The following ADAMTS17 variants were observed in gnomAD, a reference collection of about 807,000 sequenced individuals.
ADAMTS17 encodes the protein ADAM metallopeptidase with thrombospondin type 1 motif 17.
ADAMTS17 carries 113 observed loss-of-function variants against 141.5 expected under a neutral mutation model. The ratio of observed to expected loss-of-function variants is 0.80; its 90% confidence interval spans 0.69 to 0.93. The LOEUF is 0.93. Ranked by LOEUF, ADAMTS17 falls within the 40% of genes least tolerant of loss-of-function variation. The probability of loss-of-function intolerance (pLI) is 0.00; values close to 1 mark genes in which losing one functional copy is unlikely to be tolerated. For synonymous variants in ADAMTS17, 768 were observed against 630.6 expected (o/e 1.22, Z -3.27); for missense variants, 1,659 against 1,517.9 (o/e 1.09, Z -1.54).
chr15:100,264,115 T>C (rs1223804057), intron 4 of ADAMTS17, among the ~76,000 whole-genome samples: 1 of 152,260 alleles, frequency 6.6e-6, no homozygotes, highest in Non-Finnish European at 1.5e-5. Context: ...ATAGAACACA[T>C]TCAGTTGTTC....
chr15:100,269,042 C>A (rs950502180), intron 4 of ADAMTS17, among the ~76,000 whole-genome samples: 2 of 152,198 alleles, frequency 1.3e-5, no homozygotes, highest in African/African-American at 4.8e-5. Flanking sequence ...AAAAGACTCC[C>A]CACTCAATAA....
intron 15 of ADAMTS17, among the ~76,000 whole-genome samples, chr15:100,062,316 G>C (rs2033183937): frequency 6.6e-6 from 1 of 152,182 alleles, no homozygotes; most frequent in African/African-American, 2.4e-5. Flanking sequence ...ACCAAGCTAG[G>C]AGGAGGTGGC....
chr15:100,230,340 C>G (rs549810098), intron 7 of ADAMTS17, among the ~76,000 whole-genome samples: 1 of 152,310 alleles, frequency 6.6e-6, no homozygotes, highest in African/African-American at 2.4e-5. Flanking sequence ...GGGCTGAGGG[C>G]AGGCTAGATA....
chr15:100,291,323 C>T (rs758190875), intron 3 of ADAMTS17, among the ~76,000 whole-genome samples: 18 of 152,120 alleles, frequency 1.2e-4, no homozygotes, highest in Non-Finnish European at 2.1e-4. Context: ...GTTAGAATGG[C>T]TATTGTTAAA....
chr15:100,152,585 C>T lies in ADAMTS17; in HGVS notation c.1473+27G>A, dbSNP rs189712268. ...GGAGGGCTGGATCCATGCTCTGTCC[C>T]GAGCCAGCCCTCCCACGGCTGCTTA... On this transcript the variant is annotated intron_variant, in intron 10 of 21. Coordinates refer to ENST00000268070, the MANE Select transcript of ADAMTS17 (RefSeq NM_139057.4). 7.1e-4 allele frequency: 1,145 copies of T among 1,611,862 alleles called. 8 individuals carry two copies. The East Asian group carries it at 0.01, about 15-fold the overall frequency.
chr15:100,103,998 TCA>T (rs1185567691), intron 14 of ADAMTS17, among the ~76,000 whole-genome samples: 1 of 152,210 alleles, frequency 6.6e-6, no homozygotes, highest in African/African-American at 2.4e-5. Context: ...GGCTTGGTAT[TCA>T]TCAAGCCCAG....
chr15:99,977,276 A>G (rs553127707), intron 20 of ADAMTS17, among the ~76,000 whole-genome samples: 2 of 145,458 alleles, frequency 1.4e-5, no homozygotes, highest in East Asian at 4.1e-4. Flanking sequence ...AACATAGTTG[A>G]GCAGAGGCCC....
intron 2 of ADAMTS17, among the ~76,000 whole-genome samples, chr15:100,333,525 C>T (rs549751144): frequency 5.3e-5 from 8 of 152,258 alleles, no homozygotes; most frequent in African/African-American, 1.7e-4. Context: ...GGTTGAGAAG[C>T]GCCGTCCTAG....
intron 8 of ADAMTS17, among the ~76,000 whole-genome samples, chr15:100,181,230 G>T (rs911350271): frequency 6.6e-6 from 1 of 152,180 alleles, no homozygotes; most frequent in African/African-American, 2.4e-5. Flanking sequence ...CTCTGGCCCA[G>T]AACAGTCCAG....
chr15:100,017,887 T>A (rs899530703), intron 18 of ADAMTS17, among the ~76,000 whole-genome samples: 1 of 152,238 alleles, frequency 6.6e-6, no homozygotes, highest in Non-Finnish European at 1.5e-5. Context: ...TATTTCATTA[T>A]GTGTGTTTTT....
At chr15:100,271,109 T>C (rs936047445) in intron 4 of ADAMTS17, among the ~76,000 whole-genome samples, 9 of 152,188 alleles carry the variant, frequency 5.9e-5, no homozygotes, top group Admixed American at 4.6e-4. Context: ...AATATTCCAT[T>C]ATACCTATAC....
rs1007597673 is a variant in ADAMTS17 at position 100,332,595 on chromosome 15, G to A, written c.451-1541C>T. On this transcript the variant is annotated intron_variant, in intron 2 of 21. Coordinates refer to ENST00000268070, the MANE Select transcript of ADAMTS17 (RefSeq NM_139057.4). ...TCTAGAGTTTGCATTCACAAACCCCGGCATAAAAAGCAGTCAGCTGTTAGT... is the reference window on the plus strand; with the variant it reads ...TCTAGAGTTTGCATTCACAAACCCCAGCATAAAAAGCAGTCAGCTGTTAGT... Among the ~76,000 whole-genome samples the A allele has an allele frequency of 3.3e-5, 5 of 152,302 alleles. No individual in the cohort carries two copies. The East Asian group carries it at 7.7e-4, about 24-fold the overall frequency.
intron 15 of ADAMTS17, among the ~76,000 whole-genome samples, chr15:100,057,302 G>C (rs2032663359): frequency 6.6e-6 from 1 of 152,202 alleles, no homozygotes; most frequent in Admixed American, 6.5e-5. Context: ...CAGGCATGCT[G>C]AGGTGCCCTG....
intron 8 of ADAMTS17, among the ~76,000 whole-genome samples, chr15:100,160,782 G>A (rs888075034): frequency 1.1e-4 from 16 of 152,164 alleles, no homozygotes; most frequent in African/African-American, 2.7e-4. Flanking sequence ...TATAGATCAC[G>A]CTTGATCTCC....
At chr15:100,123,543 C>T (rs1330661393) in intron 12 of ADAMTS17, among the ~76,000 whole-genome samples, 1 of 152,194 alleles carries the variant, frequency 6.6e-6, no homozygotes, top group Non-Finnish European at 1.5e-5. Context: ...GAGGACTGAT[C>T]CCTGAGGACC....
At chr15:100,315,172 C>A (rs1025978545) in intron 3 of ADAMTS17, among the ~76,000 whole-genome samples, 2 of 152,168 alleles carry the variant, frequency 1.3e-5, no homozygotes, top group Non-Finnish European at 2.9e-5. Context: ...AGGCAGGCAG[C>A]GTGGCAGGTG....
intron 4 of ADAMTS17, among the ~76,000 whole-genome samples, chr15:100,266,768 C>T (rs888353175): frequency 1.3e-5 from 2 of 152,204 alleles, no homozygotes; most frequent in Non-Finnish European, 2.9e-5. Flanking sequence ...TGATACCTGT[C>T]ACTGCTGTCC....
intron 14 of ADAMTS17, among the ~76,000 whole-genome samples, chr15:100,101,925 C>T (rs560803146): frequency 1.8e-4 from 27 of 152,326 alleles, no homozygotes; most frequent in Non-Finnish European, 3.5e-4. Flanking sequence ...AGTTGCGCAG[C>T]CGTGACTCCA....
chr15:100,338,564 C>T (rs2046273492), intron 2 of ADAMTS17, among the ~76,000 whole-genome samples: 1 of 152,216 alleles, frequency 6.6e-6, no homozygotes, highest in Admixed American at 6.5e-5. Flanking sequence ...GCAGCTGCAA[C>T]AAAGGCTATG....
Sources: allele counts gnomAD v4.1 joint callset (sites outside exome capture counted in the v4.1 genomes callset), GRCh38; gene constraint gnomAD v4.1.1; transcripts MANE v1.5; gene names NCBI Gene and HGNC (gene_info 2026-07-23, HGNC 2026-07-21).